Variants in EIF4A1 observed in about 807,000 individuals in gnomAD.
EIF4A1 encodes eukaryotic initiation factor 4A-I.
A neutral mutation model predicts 53.5 loss-of-function variants in EIF4A1; 11 were observed. That is an observed-to-expected ratio of 0.21 (90% CI 0.13 to 0.34). EIF4A1 has a LOEUF of 0.34. EIF4A1 is among the 10% of genes least tolerant of loss of function. EIF4A1 has a pLI of 1.00. For missense variants in EIF4A1, 213 were observed against 530.8 expected, an observed-to-expected ratio of 0.40 and a Z score of 5.88; for synonymous variants, 237 against 186.7, an observed-to-expected ratio of 1.27 and a Z score of -2.20.
intron 3 of EIF4A1, 168 bp from the exon 4 acceptor site, chr17:7,574,951 C>G: frequency 1.8e-6 from 2 of 1,087,360 alleles, no homozygotes; most frequent in Non-Finnish European, 2.7e-6. Context: ...ATAACTGGTC[C>G]TTGTTTCTGA....
Position 7,575,274 on chromosome 17 carries a change from AT to A in EIF4A1, c.345+18del. The A allele has an allele frequency of 6.2e-7, 1 of 1,613,802 alleles. No individual in the cohort carries two copies. On this transcript the variant is annotated intron_variant, in intron 4 of 10. Transcript: ENST00000293831. Reference sequence around the variant, plus strand: ...GGCTCAGCAGGTAAGAGTGGCTTCTATTCCCTCCTTCAGGGCTGATTTAGGG... The same window carrying A: ...GGCTCAGCAGGTAAGAGTGGCTTCTATCCCTCCTTCAGGGCTGATTTAGGG...
chr17:7,575,047 C>A, intron 3 of EIF4A1, 72 bp from the exon 4 acceptor site: 1 of 1,586,112 alleles, frequency 6.3e-7, no homozygotes. Flanking sequence ...TTATTGACCT[C>A]ATTAACCTAG....
Position 7,577,333 on chromosome 17 carries a change from T to C in EIF4A1, c.625-11T>C. ...AACCAGCACTCTAAGACTGGCCTTT[T>C]TTTCCACTAGGTAGTTTTGCTGTCA... On this transcript the variant is annotated splice_polypyrimidine_tract_variant and intron_variant, in intron 6 of 10. Transcript: ENST00000293831. The surrounding 1 kb of genome is among the most constrained non-coding windows in gnomAD (Gnocchi z 4.7). 2 of 1,613,948 alleles carry C rather than the reference T, an allele frequency of 1.2e-6. No homozygotes were observed. The highest frequency in any genetic ancestry group is 1.7e-6 in the Non-Finnish European group (2 of 1,179,950).
At chr17:7,572,913 C>G (rs925675004) in intron 1 of EIF4A1, 49 bp downstream of exon 1, 8 of 1,614,108 alleles carry the variant, frequency 5.0e-6, no homozygotes, top group Non-Finnish European at 5.9e-6. Flanking sequence ...TTGCCGCCCC[C>G]TTCCGACGGG....
Position 7,576,477 on chromosome 17 carries a change from G to A in EIF4A1, c.346-47G>A, listed in dbSNP as rs753832026. 9 of 1,505,688 alleles carry A rather than the reference G, an allele frequency of 6.0e-6. No homozygotes were observed. The East Asian group carries it at 7.1e-5, about 12-fold the overall frequency. The allele number at this position is 1,505,688 out of a possible 1,614,324, so 93.3% of individuals were successfully genotyped here. Reference sequence around the variant, plus strand: ...ATGAAAAACATTTAAGAATGGTGCCGGGCACAGTGGTAACTGACATATGAG... The same window carrying A: ...ATGAAAAACATTTAAGAATGGTGCCAGGCACAGTGGTAACTGACATATGAG... On this transcript the variant is annotated intron_variant, in intron 4 of 10. Coordinates refer to ENST00000293831, the MANE Select transcript of EIF4A1 (RefSeq NM_001416.4).
At chr17:7,574,768 C>T (rs758642969) in intron 3 of EIF4A1, 90 bp downstream of exon 3, 1 of 1,593,484 alleles carries the variant, frequency 6.3e-7, no homozygotes, top group Non-Finnish European at 8.5e-7. Flanking sequence ...TCATATCAGC[C>T]AGGGACAAAG....
chr17:7,577,320 A>G lies in EIF4A1; in HGVS notation c.625-24A>G. On this transcript the variant is annotated intron_variant, in intron 6 of 10. Transcript: ENST00000293831. This position sits in a 1 kb window ranked among gnomAD's most constrained non-coding sequence, Gnocchi z 4.7. Reference sequence around the variant, plus strand: ...GGCCTCAGGAAGGAACCAGCACTCTAAGACTGGCCTTTTTTTCCACTAGGT... The same window carrying G: ...GGCCTCAGGAAGGAACCAGCACTCTGAGACTGGCCTTTTTTTCCACTAGGT... 1 of 1,613,536 alleles carries G rather than the reference A, an allele frequency of 6.2e-7. No homozygotes were observed. Among genetic ancestry groups the G allele is most frequent in the Non-Finnish European group, 8.5e-7 (1 of 1,179,696 alleles).
Position 7,577,318 on chromosome 17 carries a change from C to CTT in EIF4A1, c.625-25_625-24insTT, listed in dbSNP as rs373643163. 1.2e-6 allele frequency: 2 copies of CTT among 1,613,420 alleles called. No homozygotes were observed. Among genetic ancestry groups the CTT allele is most frequent in the African/African-American group, 1.3e-5 (1 of 75,024 alleles). On this transcript the variant is annotated intron_variant, in intron 6 of 10. Coordinates refer to ENST00000293831, the MANE Select transcript of EIF4A1 (RefSeq NM_001416.4). This position sits in a 1 kb window ranked among gnomAD's most constrained non-coding sequence, Gnocchi z 4.7. ...CAGGCCTCAGGAAGGAACCAGCACT[C>CTT]TAAGACTGGCCTTTTTTTCCACTAG... is the stretch of plus-strand genomic sequence containing the variant.
In EIF4A1 at chr17:7,577,534, T is replaced by C; in HGVS notation, c.769-35T>C. ...GGGCCTGGTAGTGAGTTGTTGGGTA[T>C]AGCCCCTGACTGATTTTTGTCCCCC... On this transcript the variant is annotated intron_variant, in intron 7 of 10. Coordinates refer to ENST00000293831, the MANE Select transcript of EIF4A1 (RefSeq NM_001416.4). The surrounding 1 kb of genome is among the most constrained non-coding windows in gnomAD (Gnocchi z 4.7). 6.2e-7 allele frequency: 1 copy of C among 1,613,244 alleles called. No homozygotes were observed. Among genetic ancestry groups the C allele is most frequent in the Non-Finnish European group, 8.5e-7 (1 of 1,179,454 alleles).
intron 1 of EIF4A1, chr17:7,573,968 C>T (rs900072275): frequency 4.7e-6 from 2 of 424,172 alleles, no homozygotes; most frequent in South Asian, 6.6e-5. Flanking sequence ...GACCCGGCGG[C>T]AAGCACCACC....
At chr17:7,574,778 G>A in intron 3 of EIF4A1, 100 bp downstream of exon 3, 2 of 1,578,002 alleles carry the variant, frequency 1.3e-6, no homozygotes, top group African/African-American at 1.3e-5. Context: ...CAGGGACAAA[G>A]CAACTCCTTG....
At position 7,576,676 on chromosome 17, in the gene EIF4A1, T is replaced by C. The variant is rs1567734636; in HGVS notation, c.498T>C (p.Leu166=). 1 of 1,608,236 alleles carries C rather than the reference T, an allele frequency of 6.2e-7. No homozygotes were observed. The highest frequency in any genetic ancestry group is 1.7e-5 in the Admixed American group (1 of 58,964). The change falls in exon 5 of 11, where the codon CTT becomes CTC. Residue 166 remains leucine, a synonymous_variant. Coordinates refer to ENST00000293831, the MANE Select transcript of EIF4A1 (RefSeq NM_001416.4). ...CCCCTGGCCGTGTGTTTGATATGCTTAACCGGAGATACCTGTGTGAGTAAT... is the reference window on the plus strand; with the variant it reads ...CCCCTGGCCGTGTGTTTGATATGCTCAACCGGAGATACCTGTGTGAGTAAT... ...VGTPGRVFDM[L]NRRYLSPKYI... is the part of the protein sequence containing the mutation.
At chr17:7,574,403 A>G (rs1375634007) in intron 2 of EIF4A1, 95 bp downstream of exon 2, 2 of 1,607,462 alleles carry the variant, frequency 1.2e-6, no homozygotes, top group Non-Finnish European at 1.7e-6. Context: ...CAGATCATCT[A>G]GAAGCAGCTG....
At chr17:7,574,001 G>A in intron 1 of EIF4A1, 1 of 505,968 alleles carries the variant, frequency 2.0e-6, no homozygotes, top group Non-Finnish European at 3.5e-6. Context: ...GAGCGCGGCG[G>A]CACGCCTGCC....
Position 7,577,277 on chromosome 17 carries a change from T to G in EIF4A1, c.625-67T>G, listed in dbSNP as rs2071415134. The G allele has an allele frequency of 1.9e-6, 3 of 1,590,352 alleles. No homozygotes were observed. In the Admixed American group the frequency reaches 5.3e-5, roughly 28 times the overall value. ...TATGCATCTGCTTCAGTTTTAGGTG[T>G]GGCTAGGGAAGGGAGCAGGCCTCAG... On this transcript the variant is annotated intron_variant, in intron 6 of 10. Coordinates refer to ENST00000293831, the MANE Select transcript of EIF4A1 (RefSeq NM_001416.4). This position sits in a 1 kb window ranked among gnomAD's most constrained non-coding sequence, Gnocchi z 4.7.
chr17:7,576,182 A>G (rs1405989976), intron 4 of EIF4A1: 3 of 182,184 alleles, frequency 1.6e-5, no homozygotes, highest in African/African-American at 2.3e-5. Context: ...AAAGAAAAAA[A>G]AAATGGTTGC....
rs1341845709 is a variant in EIF4A1 at position 7,577,365 on chromosome 17, A to G, written c.646A>G (p.Met216Val). 8 of 1,614,100 alleles carry G rather than the reference A, an allele frequency of 5.0e-6. No individual in the cohort carries two copies. Among genetic ancestry groups the G allele is most frequent in the Admixed American group, 1.7e-5 (1 of 60,018 alleles). ...CTAGGTAGTTTTGCTGTCAGCCACA[A>G]TGCCTTCTGATGTGCTTGAGGTGAC... The part of the protein sequence containing the change: ...NTQVVLLSAT[M>V]PSDVLEVTKK... Residue 216 changes from methionine to valine, a missense_variant, in exon 7 of 11, where the codon ATG becomes GTG. Met to Val is a conservative substitution (Grantham distance 21). Around this residue, in one of 4 missense-constraint regions of EIF4A1, gnomAD observed 119 missense variants for 351.0 expected, o/e 0.34. Coordinates refer to ENST00000293831, the MANE Select transcript of EIF4A1 (RefSeq NM_001416.4). This position sits in a 1 kb window ranked among gnomAD's most constrained non-coding sequence, Gnocchi z 4.7.
intron 1 of EIF4A1, 93 bp downstream of exon 1, chr17:7,572,957 T>C: frequency 1.2e-6 from 2 of 1,610,822 alleles, no homozygotes. Flanking sequence ...CCACCAGGGT[T>C]GCGGGAGAAA....
At position 7,577,184 on chromosome 17, in the gene EIF4A1, G is replaced by A; in HGVS notation, c.624+19G>A. The stretch of plus-strand genomic sequence containing the variant: ...CACCCAGGTGAGGGCAGTCTTGCTT[G>A]AATAGCTAATGATTCTTGAAAAATA... On this transcript the variant is annotated intron_variant, in intron 6 of 10. Coordinates refer to ENST00000293831, the MANE Select transcript of EIF4A1 (RefSeq NM_001416.4). This position sits in a 1 kb window ranked among gnomAD's most constrained non-coding sequence, Gnocchi z 4.7. 6.3e-7 allele frequency: 1 copy of A among 1,580,762 alleles called. No individual in the cohort carries two copies. The highest frequency in any genetic ancestry group is 8.6e-7 in the Non-Finnish European group (1 of 1,166,862).
Sources: gnomAD v4.1 joint callset for allele counts on GRCh38, gnomAD v4.1.1 for gene constraint, gnomAD v4.1.1 regional missense constraint, Gnocchi (gnomAD v3.1) non-coding constraint, MANE v1.5 for transcripts, NCBI Gene and HGNC (gene_info 2026-07-23, HGNC 2026-07-21) for gene names.